The following GRHL2 variants were observed in gnomAD, a reference collection of about 807,000 sequenced individuals.
GRHL2 encodes grainyhead-like protein 2 homolog.
A neutral mutation model predicts 83.8 loss-of-function variants in GRHL2; 21 were observed. That is an observed-to-expected ratio of 0.25 (90% CI 0.18 to 0.36). The LOEUF (loss-of-function observed/expected upper bound fraction) is 0.36. Among genes scored for constraint, GRHL2 ranks in the 10% least tolerant of loss-of-function variants. The pLI, the probability that GRHL2 is intolerant of heterozygous loss-of-function variation, is 1.00. For missense variants in GRHL2, 623 were observed against 781.8 expected (o/e 0.80, Z 2.42); for synonymous variants, 280 against 278.9 (o/e 1.00, Z -0.04).
chr8:101,599,190 G>A (rs1281393386), intron 8 of GRHL2, 39 bp downstream of exon 8: 2 of 1,263,774 alleles, frequency 1.6e-6, no homozygotes, highest in African/African-American at 2.9e-5. Flanking sequence ...CTCTTAATAT[G>A]TGCCCATCCT....
chr8:101,507,688 C>T (rs1470701339), intron 1 of GRHL2, among the ~76,000 whole-genome samples: 2 of 151,498 alleles, frequency 1.3e-5, no homozygotes, highest in African/African-American at 4.8e-5. Context: ...TAAAAATATC[C>T]AAATTAACCA....
At chr8:101,656,945 T>A (rs913797405) in intron 14 of GRHL2, among the ~76,000 whole-genome samples, 5 of 149,704 alleles carry the variant, frequency 3.3e-5, no homozygotes, top group African/African-American at 1.3e-4. Context: ...AGAGGCAGAC[T>A]GTGTTTCCCC....
downstream of GRHL2, among the ~76,000 whole-genome samples, chr8:101,673,596 C>A (rs1228236464): frequency 1.3e-5 from 2 of 151,080 alleles, no homozygotes; most frequent in Non-Finnish European, 1.5e-5. Flanking sequence ...TACAAAGAGA[C>A]TTCGACTCCC....
intron 14 of GRHL2, among the ~76,000 whole-genome samples, chr8:101,655,970 G>C (rs1813776479): frequency 6.6e-6 from 1 of 152,198 alleles, no homozygotes; most frequent in African/African-American, 2.4e-5. Flanking sequence ...TGCACTTGCT[G>C]TTCCCTCTGC....
intron 2 of GRHL2, among the ~76,000 whole-genome samples, chr8:101,550,728 A>C (rs547242298): frequency 1.3e-5 from 2 of 152,176 alleles, no homozygotes; most frequent in Non-Finnish European, 2.9e-5. Flanking sequence ...CATTTTCCCA[A>C]ACAGAAAACT....
At chr8:101,546,605 G>A (rs1045068612) in intron 2 of GRHL2, among the ~76,000 whole-genome samples, 1 of 151,988 alleles carries the variant, frequency 6.6e-6, no homozygotes, top group Non-Finnish European at 1.5e-5. Flanking sequence ...AGTAGAGACG[G>A]GATTTTGCAC....
At chr8:101,679,843 A>G in the GRHL2 span, among the ~76,000 whole-genome samples, 1 of 140,900 alleles carries the variant, frequency 7.1e-6, no homozygotes, top group South Asian at 2.6e-4. Flanking sequence ...TAAGTGAAGG[A>G]GAAATAAAAT....
At chr8:101,610,954 C>G (rs78183159) in intron 8 of GRHL2, among the ~76,000 whole-genome samples, 2 of 150,576 alleles carry the variant, frequency 1.3e-5, no homozygotes. Flanking sequence ...TAGGCTCTTT[C>G]GATATTAAGG....
chr8:101,670,738 C>A (rs1402704284), downstream of GRHL2, among the ~76,000 whole-genome samples: 1 of 152,228 alleles, frequency 6.6e-6, no homozygotes, highest in Non-Finnish European at 1.5e-5. Context: ...TGTGTGCCAA[C>A]CAGTTCCCTG....
chr8:101,525,523 C>CT (rs370591789), intron 1 of GRHL2, among the ~76,000 whole-genome samples: 28 of 148,190 alleles, frequency 1.9e-4, no homozygotes, highest in African/African-American at 5.7e-4. Flanking sequence ...GCTTTTTAAC[C>CT]TTTTTTTTTT....
chr8:101,655,114 G>A lies in GRHL2; in HGVS notation c.1698+5615G>A, dbSNP rs555284853. The stretch of plus-strand genomic sequence containing the variant: ...GGAGAATCCCTTGAACCTGGGAGGC[G>A]GAGGTTGCGGTGAGCCAAGATTGCG... On this transcript the variant is annotated intron_variant, in intron 14 of 15. Transcript: ENST00000646743. Among the ~76,000 whole-genome samples, 7 of 152,086 alleles carry A rather than the reference G, an allele frequency of 4.6e-5. No individual in the cohort carries two copies. In the East Asian group the frequency reaches 5.8e-4, roughly 13 times the overall value.
chr8:101,637,765 C>A (rs1388675619), intron 12 of GRHL2, among the ~76,000 whole-genome samples: 1 of 152,168 alleles, frequency 6.6e-6, no homozygotes, highest in Non-Finnish European at 1.5e-5. Context: ...GTAGGGAGTT[C>A]TTTTGTCTGT....
intron 9 of GRHL2, among the ~76,000 whole-genome samples, chr8:101,628,546 A>C (rs1033314941): frequency 6.6e-6 from 1 of 152,120 alleles, no homozygotes; most frequent in African/African-American, 2.4e-5. Flanking sequence ...CCATGGATCG[A>C]GGAATAATTC....
chr8:101,563,238 A>T (rs973526626), intron 4 of GRHL2, among the ~76,000 whole-genome samples: 1 of 152,218 alleles, frequency 6.6e-6, no homozygotes. Flanking sequence ...ATCCTTAACC[A>T]TATGACTACA....
chr8:101,591,685 CA>C (rs1420651339), intron 7 of GRHL2, among the ~76,000 whole-genome samples: 1 of 152,198 alleles, frequency 6.6e-6, no homozygotes, highest in Non-Finnish European at 1.5e-5. Context: ...TGATTTTCCA[CA>C]AACAGCTGAA....
At chr8:101,520,086 G>A (rs576734935) in intron 1 of GRHL2, among the ~76,000 whole-genome samples, 3 of 152,272 alleles carry the variant, frequency 2.0e-5, no homozygotes, top group South Asian at 4.1e-4. Context: ...TTTTCTAGAA[G>A]GGACATCTTG....
chr8:101,623,766 T>G (rs1489859853), intron 9 of GRHL2, among the ~76,000 whole-genome samples: 3 of 151,948 alleles, frequency 2.0e-5, no homozygotes, highest in East Asian at 1.9e-4. Flanking sequence ...CAGTACACAG[T>G]AGAACAGTTC....
intron 8 of GRHL2, among the ~76,000 whole-genome samples, chr8:101,602,309 G>A (rs954692949): frequency 5.3e-5 from 8 of 152,240 alleles, no homozygotes; most frequent in African/African-American, 1.9e-4. Context: ...CTCTCACAGT[G>A]GAAGTGTTTG....
At chr8:101,581,569 C>T (rs901734167) in intron 7 of GRHL2, among the ~76,000 whole-genome samples, 2 of 152,102 alleles carry the variant, frequency 1.3e-5, no homozygotes, top group African/African-American at 4.8e-5. Context: ...TGAGAAAGCC[C>T]CTTTAAAAGA....
Sources: allele counts gnomAD v4.1 joint callset (sites outside exome capture counted in the v4.1 genomes callset), GRCh38; gene constraint gnomAD v4.1.1; transcripts MANE v1.5; gene names NCBI Gene and HGNC (gene_info 2026-07-23, HGNC 2026-07-21).